The following ZNF385D variants were observed in gnomAD, a reference collection of about 807,000 sequenced individuals.
ZNF385D encodes zinc finger protein 385D.
ZNF385D carries 15 observed loss-of-function variants against 35.8 expected under a neutral mutation model. The ratio of observed to expected loss-of-function variants is 0.42; its 90% confidence interval spans 0.28 to 0.64. ZNF385D has a LOEUF of 0.64. Among genes scored for constraint, ZNF385D ranks in the 30% least tolerant of loss-of-function variants. ZNF385D has a pLI of 0.23. For synonymous variants in ZNF385D, 212 were observed against 186.8 expected (o/e 1.13, Z -1.10); for missense variants, 474 against 494.6 (o/e 0.96, Z 0.39).
chr3:21,721,621 C>G (rs960333780), intron 1 of ZNF385D, among the ~76,000 whole-genome samples: 5 of 151,638 alleles, frequency 3.3e-5, no homozygotes, highest in Non-Finnish European at 7.4e-5. Context: ...TTCTTAAATC[C>G]CTTAGCAATG....
intron 4 of ZNF385D, among the ~76,000 whole-genome samples, chr3:21,498,945 C>CAAAAAA (rs35511402): frequency 7.8e-5 from 5 of 64,266 alleles, no homozygotes; most frequent in Non-Finnish European, 8.1e-5. Context: ...GACTCCATCT[C>CAAAAAA]AAAAAAAAAA....
At chr3:21,481,204 A>G (rs1056357240) in intron 4 of ZNF385D, among the ~76,000 whole-genome samples, 3 of 152,218 alleles carry the variant, frequency 2.0e-5, no homozygotes, top group African/African-American at 7.2e-5. Flanking sequence ...GCATTTGATC[A>G]GAGTCACCTC....
At chr3:22,116,254 G>A (rs899052708) in intron 3 of ZNF385D, among the ~76,000 whole-genome samples, 5 of 151,852 alleles carry the variant, frequency 3.3e-5, no homozygotes, top group Admixed American at 6.6e-5. Flanking sequence ...TAGATTTCCC[G>A]GATGTCTACA....
At chr3:22,261,670 G>C (rs1009579917) in intron 2 of ZNF385D, among the ~76,000 whole-genome samples, 3 of 151,886 alleles carry the variant, frequency 2.0e-5, no homozygotes, top group Admixed American at 2.0e-4. Flanking sequence ...CATTAGCAGA[G>C]ACCTGAAGGT....
chr3:22,216,548 T>G (rs1429896323), intron 2 of ZNF385D, among the ~76,000 whole-genome samples: 4 of 152,014 alleles, frequency 2.6e-5, no homozygotes, highest in Non-Finnish European at 5.9e-5. Context: ...GACCCAGATG[T>G]GAAAATACAA....
At chr3:21,844,385 G>A (rs980395701) in intron 3 of ZNF385D, among the ~76,000 whole-genome samples, 1 of 139,902 alleles carries the variant, frequency 7.1e-6, no homozygotes, top group African/African-American at 3.3e-5. Flanking sequence ...ATTATAGATG[G>A]TGCTTTCTTG....
At chr3:22,302,518 A>G (rs561376650) in intron 2 of ZNF385D, among the ~76,000 whole-genome samples, 38 of 152,072 alleles carry the variant, frequency 2.5e-4, no homozygotes, top group South Asian at 6.2e-4. Context: ...GTCTGTCCTT[A>G]GTGTAAACAG....
At chr3:22,177,601 C>A (rs1012367295) in intron 2 of ZNF385D, among the ~76,000 whole-genome samples, 1 of 151,982 alleles carries the variant, frequency 6.6e-6, no homozygotes, top group Non-Finnish European at 1.5e-5. Flanking sequence ...TATTATTATA[C>A]TTTTAAGTTT....
At chr3:22,161,158 A>C (rs1359413580) in intron 3 of ZNF385D, among the ~76,000 whole-genome samples, 2 of 152,084 alleles carry the variant, frequency 1.3e-5, no homozygotes, top group Non-Finnish European at 2.9e-5. Context: ...CTTAATGCTT[A>C]CCTAGAAATC....
intron 2 of ZNF385D, among the ~76,000 whole-genome samples, chr3:21,617,032 A>G (rs1413940379): frequency 1.3e-5 from 2 of 152,156 alleles, no homozygotes; most frequent in Non-Finnish European, 2.9e-5. Context: ...ACTATCACAT[A>G]TGTTAAAATA....
chr3:21,809,033 A>G (rs977336222), intron 3 of ZNF385D, among the ~76,000 whole-genome samples: 1 of 152,226 alleles, frequency 6.6e-6, no homozygotes, highest in Non-Finnish European at 1.5e-5. Context: ...AGAGTCTTAT[A>G]ACATAAAATA....
chr3:21,581,913 A>G (rs1052943774), intron 2 of ZNF385D, among the ~76,000 whole-genome samples: 4 of 152,192 alleles, frequency 2.6e-5, no homozygotes, highest in African/African-American at 9.7e-5. Flanking sequence ...GGGATGACTG[A>G]GATGCATTGC....
intron 3 of ZNF385D, among the ~76,000 whole-genome samples, chr3:21,897,205 A>T (rs936051165): frequency 2.6e-5 from 4 of 152,128 alleles, no homozygotes; most frequent in Non-Finnish European, 5.9e-5. Context: ...CAGAGAATAC[A>T]ATAATGGTTC....
At chr3:21,863,526 G>T (rs1173418855) in intron 3 of ZNF385D, among the ~76,000 whole-genome samples, 1 of 152,028 alleles carries the variant, frequency 6.6e-6, no homozygotes, top group African/African-American at 2.4e-5. Context: ...ACACAGAATG[G>T]TCATCAAAGG....
chr3:21,997,947 T>A (rs900550042), intron 3 of ZNF385D, among the ~76,000 whole-genome samples: 3 of 149,200 alleles, frequency 2.0e-5, no homozygotes, highest in Non-Finnish European at 1.5e-5. Flanking sequence ...GAAATTGAGA[T>A]AGAAGATCAG....
At chr3:21,615,592 T>G (rs1400605059) in intron 2 of ZNF385D, among the ~76,000 whole-genome samples, 2 of 152,164 alleles carry the variant, frequency 1.3e-5, no homozygotes, top group African/African-American at 4.8e-5. Flanking sequence ...CTCACCCCAA[T>G]GTTCTTGATT....
chr3:21,777,381 G>A (rs547500507), intron 3 of ZNF385D, among the ~76,000 whole-genome samples: 4 of 151,868 alleles, frequency 2.6e-5, no homozygotes, highest in African/African-American at 9.7e-5. Flanking sequence ...TCTCTACCGA[G>A]GTTGGGGCAG....
At chr3:22,235,017 TAA>T (rs968966914) in intron 2 of ZNF385D, among the ~76,000 whole-genome samples, 2 of 152,010 alleles carry the variant, frequency 1.3e-5, no homozygotes, top group African/African-American at 4.8e-5. Flanking sequence ...CTCAACCACA[TAA>T]AGAGAAGATT....
At chr3:21,749,686 T>C (rs566114455) in intron 1 of ZNF385D, among the ~76,000 whole-genome samples, 1 of 152,320 alleles carries the variant, frequency 6.6e-6, no homozygotes, top group African/African-American at 2.4e-5. Flanking sequence ...ATTTTAAGAC[T>C]TCTCTTCTAA....
Sources: gnomAD v4.1 joint callset for allele counts (sites outside exome capture counted in the v4.1 genomes callset) on GRCh38, gnomAD v4.1.1 for gene constraint, MANE v1.5 for transcripts, NCBI Gene and HGNC (gene_info 2026-07-23, HGNC 2026-07-21) for gene names.